The following FBXW7 variants were observed in gnomAD, a reference collection of about 807,000 sequenced individuals.
FBXW7 encodes F-box/WD repeat-containing protein 7.
Under a neutral mutation model 86.3 loss-of-function variants are expected in FBXW7, and 11 were observed. That is an observed-to-expected ratio of 0.13 (90% CI 0.08 to 0.21). The LOEUF is 0.21. Among genes scored for constraint, FBXW7 ranks in the 10% least tolerant of loss-of-function variants. The pLI is 1.00. For missense variants in FBXW7, 488 were observed against 847.4 expected (o/e 0.58, Z 5.27); for synonymous variants, 313 against 297.9 (o/e 1.05, Z -0.52).
At chr4:152,426,438 CTCCCGGGT>C (rs1286277623) in intron 2 of FBXW7, among the ~76,000 whole-genome samples, 1 of 151,742 alleles carries the variant, frequency 6.6e-6, no homozygotes, top group Non-Finnish European at 1.5e-5. Context: ...TAGCCTCCGC[CTCCCGGGT>C]TCAAGCGATT....
intron 2 of FBXW7, among the ~76,000 whole-genome samples, chr4:152,457,442 A>G (rs1742521434): frequency 6.6e-6 from 1 of 152,158 alleles, no homozygotes; most frequent in East Asian, 1.9e-4. Context: ...GGAGAGCGAG[A>G]CCATCCTGGC....
intron 2 of FBXW7, among the ~76,000 whole-genome samples, chr4:152,438,825 C>A (rs1340716494): frequency 6.6e-6 from 1 of 152,176 alleles, no homozygotes; most frequent in East Asian, 1.9e-4. Context: ...AAAAAATATA[C>A]AAACATGCAC....
intron 2 of FBXW7, among the ~76,000 whole-genome samples, chr4:152,442,235 A>G (rs1427112552): frequency 6.6e-6 from 1 of 152,166 alleles, no homozygotes; most frequent in Non-Finnish European, 1.5e-5. Flanking sequence ...TCGTAGCATC[A>G]ACTACAATCT....
rs1737975657 is a variant in FBXW7 at position 152,411,602 on chromosome 4, C to G, written c.202G>C (p.Gly68Arg). The G allele has an allele frequency of 6.2e-7, 1 of 1,613,866 alleles. No individual in the cohort carries two copies. Among genetic ancestry groups the G allele is most frequent in the Non-Finnish European group, 8.5e-7 (1 of 1,179,916 alleles). ...EVVGVEPRPG[G>R]QNDSQQGQLE... is the part of the protein sequence containing the mutation. ...TGTCCTTGCTGGGAATCATTTTGGC[C>G]TCCAGGTCTAGGTTCTACTCCAACA... The change falls in exon 4 of 14, where the codon GGC (glycine) becomes CGC (arginine). Residue 68 changes from glycine (G) to arginine (R), a missense_variant. Gly to Arg is a moderately radical substitution (Grantham distance 125, BLOSUM62 -2). Around this residue, in one of 4 missense-constraint regions of FBXW7, gnomAD observed 230 missense variants for 240.0 expected, o/e 0.96. Transcript: ENST00000281708.
chr4:152,454,989 T>C (rs994707823), intron 2 of FBXW7, among the ~76,000 whole-genome samples: 1 of 152,142 alleles, frequency 6.6e-6, no homozygotes, highest in Non-Finnish European at 1.5e-5. Context: ...TTTTTAAAAA[T>C]TATTCTTTTT....
At chr4:152,513,402 T>G (rs973303344) in intron 2 of FBXW7, among the ~76,000 whole-genome samples, 1 of 152,210 alleles carries the variant, frequency 6.6e-6, no homozygotes, top group African/African-American at 2.4e-5. Context: ...CCATTCAGGT[T>G]ACTGTGCTCC....
Position 152,411,792 on chromosome 4 carries a change from T to C in FBXW7, c.12A>G (p.Glu4=), listed in dbSNP as rs371527630. Residue 4 remains glutamate (E), a synonymous_variant, in exon 4 of 14, where the codon GAA becomes GAG. Transcript: ENST00000281708. Reference sequence around the variant, plus strand: ...GTCTTTTGCTGCCCACAGAGAGCAGTTCCTGATTCATTTCCAAAAGCCAGC... The same window carrying C: ...GTCTTTTGCTGCCCACAGAGAGCAGCTCCTGATTCATTTCCAAAAGCCAGC... MNQ[E]LLSVGSKRRR... 35 of 1,605,608 alleles carry C rather than the reference T, an allele frequency of 2.2e-5. No individual in the cohort carries two copies. The highest frequency in any genetic ancestry group is 1.4e-4 in the South Asian group (13 of 90,720).
intron 2 of FBXW7, among the ~76,000 whole-genome samples, chr4:152,527,677 G>C (rs1048430764): frequency 1.4e-4 from 22 of 151,990 alleles, no homozygotes; most frequent in Admixed American, 1.3e-3. Context: ...CTACTCAGGA[G>C]GCTAAGGTGG....
intron 2 of FBXW7, among the ~76,000 whole-genome samples, chr4:152,486,518 AAC>A (rs1346082124): frequency 2.0e-5 from 3 of 152,136 alleles, no homozygotes; most frequent in Admixed American, 2.0e-4. Context: ...GACACAAACA[AAC>A]ACATTAGACT....
At chr4:152,512,234 A>G (rs1431923281) in intron 2 of FBXW7, among the ~76,000 whole-genome samples, 1 of 152,218 alleles carries the variant, frequency 6.6e-6, no homozygotes, top group East Asian at 1.9e-4. Context: ...TGACAAGGTT[A>G]TCTATATTGT....
chr4:152,462,033 T>C (rs1742995851), intron 2 of FBXW7, among the ~76,000 whole-genome samples: 1 of 152,212 alleles, frequency 6.6e-6, no homozygotes, highest in Non-Finnish European at 1.5e-5. Flanking sequence ...GGACTTACTG[T>C]GTGTCTCCCT....
chr4:152,378,061 T>C (rs1342384021), intron 4 of FBXW7, among the ~76,000 whole-genome samples: 1 of 152,140 alleles, frequency 6.6e-6, no homozygotes, highest in South Asian at 2.1e-4. Flanking sequence ...GCTTTCATGA[T>C]AGAAAGGCAG....
chr4:152,473,881 T>C (rs2149657333), intron 2 of FBXW7, among the ~76,000 whole-genome samples: 1 of 152,162 alleles, frequency 6.6e-6, no homozygotes, highest in East Asian at 1.9e-4. Flanking sequence ...AAAGGCACTC[T>C]AGAACAAAAA....
intron 2 of FBXW7, among the ~76,000 whole-genome samples, chr4:152,488,069 A>T (rs924126937): frequency 6.6e-6 from 1 of 151,986 alleles, no homozygotes; most frequent in Non-Finnish European, 1.5e-5. Context: ...CCTGTATCTC[A>T]TATTGCTTTT....
chr4:152,330,721 A>G lies in FBXW7; in HGVS notation c.1122+11T>C. ...TAACGGTTTCTGTTACATTGTGCAG[A>G]GTTCAGTTACCTTAGGAGATTTGAG... On this transcript the variant is annotated intron_variant, in intron 9 of 13. Coordinates refer to ENST00000281708, the MANE Select transcript of FBXW7 (RefSeq NM_001349798.2). 1.9e-6 allele frequency: 3 copies of G among 1,610,224 alleles called. No individual in the cohort carries two copies. The highest frequency in any genetic ancestry group is 1.7e-5 in the Admixed American group (1 of 59,640).
At position 152,535,274 on chromosome 4, in the gene FBXW7, C is replaced by A. The variant is rs1001035776; in HGVS notation, c.-360G>T. 2.3e-5 allele frequency: 6 copies of A among 261,762 alleles called. No individual in the cohort carries two copies. Among genetic ancestry groups the A allele is most frequent in the African/African-American group, 1.3e-4 (6 of 45,050 alleles). 16.2% of individuals were successfully genotyped at this position (261,762 alleles called of 1,614,324 possible). Reference sequence around the variant, plus strand: ...GGAGGCTGCGGCCGGCCCCCCGGGTCCCCCCCGGCCCCGCCGCCCTCGGGA... The same window carrying A: ...GGAGGCTGCGGCCGGCCCCCCGGGTACCCCCCGGCCCCGCCGCCCTCGGGA... On this transcript the variant is annotated 5_prime_UTR_variant, in exon 1 of 14. Coordinates refer to ENST00000281708, the MANE Select transcript of FBXW7 (RefSeq NM_001349798.2).
At position 152,364,217 on chromosome 4, in the gene FBXW7, A is replaced by G. The variant is rs1182393804; in HGVS notation, c.502-14093T>C. 3.3e-5 allele frequency among the ~76,000 whole-genome samples: 5 copies of G among 152,176 alleles called. No homozygotes were observed. The East Asian group carries it at 9.6e-4, about 29-fold the overall frequency. On this transcript the variant is annotated intron_variant, in intron 4 of 13. Coordinates refer to ENST00000281708, the MANE Select transcript of FBXW7 (RefSeq NM_001349798.2). ...TGAGGCCAGGCAGTCATCAGTGGGCATACTGGAAGAAACACAACAACAAAT... is the reference window on the plus strand; with the variant it reads ...TGAGGCCAGGCAGTCATCAGTGGGCGTACTGGAAGAAACACAACAACAAAT...
intron 6 of FBXW7, among the ~76,000 whole-genome samples, chr4:152,346,607 G>A (rs1035786646): frequency 1.3e-5 from 2 of 152,022 alleles, no homozygotes; most frequent in African/African-American, 4.8e-5. Context: ...TGCAACCATC[G>A]CTACTATCCA....
intron 9 of FBXW7, 85 bp downstream of exon 9, chr4:152,330,647 T>C (rs1309720894): frequency 8.2e-7 from 1 of 1,217,214 alleles, no homozygotes; most frequent in African/African-American, 1.6e-5. Context: ...AGGAGTGTCA[T>C]ATTATACAGT....
Sources: gnomAD v4.1 joint callset for allele counts (sites outside exome capture counted in the v4.1 genomes callset) on GRCh38, gnomAD v4.1.1 for gene constraint, gnomAD v4.1.1 regional missense constraint, MANE v1.5 for transcripts, NCBI Gene and HGNC (gene_info 2026-07-23, HGNC 2026-07-21) for gene names.